Variants in PDE4D observed in about 807,000 individuals in gnomAD.
PDE4D encodes 3',5'-cyclic-AMP phosphodiesterase 4D.
Under a neutral mutation model 87.4 loss-of-function variants are expected in PDE4D, and 24 were observed. That is an observed-to-expected ratio of 0.27 (90% CI 0.20 to 0.39). PDE4D has a LOEUF of 0.39. Ranked by LOEUF, PDE4D falls within the 10% of genes least tolerant of loss-of-function variation. The pLI is 1.00. For missense variants in PDE4D, 714 were observed against 1,041.0 expected, an observed-to-expected ratio of 0.69 and a Z score of 4.32; for synonymous variants, 384 against 383.2, an observed-to-expected ratio of 1.00 and a Z score of -0.02.
intron 3 of PDE4D, among the ~76,000 whole-genome samples, chr5:59,957,587 A>T (rs1758981260): frequency 6.6e-6 from 1 of 152,054 alleles, no homozygotes; most frequent in South Asian, 2.1e-4. Context: ...TAACATGTAT[A>T]TTTTTACACA....
chr5:59,288,829 G>A (rs1448131674), intron 1 of PDE4D, among the ~76,000 whole-genome samples: 1 of 152,062 alleles, frequency 6.6e-6, no homozygotes, highest in Non-Finnish European at 1.5e-5. Context: ...TTTATCTCAG[G>A]CTAGTATATC....
intron 1 of PDE4D, among the ~76,000 whole-genome samples, chr5:59,316,048 T>A (rs1773654477): frequency 6.6e-6 from 1 of 152,252 alleles, no homozygotes; most frequent in African/African-American, 2.4e-5. Context: ...GAAATCTACA[T>A]CTGTCTCTCA....
intron 1 of PDE4D, among the ~76,000 whole-genome samples, chr5:59,655,577 G>A (rs767456091): frequency 2.0e-5 from 3 of 152,028 alleles, no homozygotes; most frequent in African/African-American, 4.8e-5. Flanking sequence ...TTTCCAACCT[G>A]CTTTATTTTG....
At position 59,893,411 on chromosome 5, in the gene PDE4D, C is replaced by T; in HGVS notation, c.212G>A (p.Cys71Tyr). The T allele has an allele frequency of 4.9e-6, 7 of 1,432,906 alleles. No homozygotes were observed. Among genetic ancestry groups the T allele is most frequent in the Non-Finnish European group, 6.5e-6 (7 of 1,085,258 alleles). 88.8% of individuals were successfully genotyped at this position (1,432,906 alleles called of 1,614,324 possible). A position where few individuals can be genotyped will look rare whatever the true frequency, so the allele number is the denominator to read the frequency against. The change falls in exon 1 of 15, where the codon TGT (cysteine) becomes TAT (tyrosine). Residue 71 changes from cysteine (C) to tyrosine (Y), a missense_variant. Cys to Tyr is a radical substitution (Grantham distance 194, BLOSUM62 -2). Coordinates refer to ENST00000340635, the MANE Select transcript of PDE4D (RefSeq NM_001104631.2). ...GGGCGGCGGCGGCGGCTGTAGCGGACACTGGGGCTGGGGCTGGGGCGAGGG... is the reference window on the plus strand; with the variant it reads ...GGGCGGCGGCGGCGGCTGTAGCGGATACTGGGGCTGGGGCTGGGGCGAGGG... ...PPPSPQPQPQCPLQPPPPPPL... is the reference protein window; with the variant it reads ...PPPSPQPQPQYPLQPPPPPPL...
chr5:59,577,581 C>A (rs891417207), intron 1 of PDE4D, among the ~76,000 whole-genome samples: 2 of 152,096 alleles, frequency 1.3e-5, no homozygotes, highest in African/African-American at 4.8e-5. Flanking sequence ...TATGGAGACT[C>A]AAGGGAGAGG....
chr5:59,205,312 T>C (rs1442386376), intron 2 of PDE4D, among the ~76,000 whole-genome samples: 2 of 152,122 alleles, frequency 1.3e-5, no homozygotes, highest in Admixed American at 1.3e-4. Context: ...TTAACATATA[T>C]ATTGATGGGT....
At chr5:59,702,395 G>A (rs984044201) in intron 1 of PDE4D, among the ~76,000 whole-genome samples, 4 of 152,078 alleles carry the variant, frequency 2.6e-5, no homozygotes, top group Middle Eastern at 3.4e-3. Flanking sequence ...CAAAGTGCTG[G>A]GATTACAGGT....
At chr5:59,065,827 G>T (rs1319168259) in intron 5 of PDE4D, among the ~76,000 whole-genome samples, 1 of 152,102 alleles carries the variant, frequency 6.6e-6, no homozygotes, top group African/African-American at 2.4e-5. Context: ...TATGATCTAT[G>T]ATTTGGGACT....
At chr5:59,036,628 A>G (rs533419477) in intron 6 of PDE4D, among the ~76,000 whole-genome samples, 1 of 152,330 alleles carries the variant, frequency 6.6e-6, no homozygotes, top group South Asian at 2.1e-4. Context: ...ACCTTTAGCA[A>G]GAGCTTTTTT....
At chr5:59,098,494 T>C (rs542958127) in intron 5 of PDE4D, among the ~76,000 whole-genome samples, 23 of 151,850 alleles carry the variant, frequency 1.5e-4, no homozygotes, top group Non-Finnish European at 2.8e-4. Flanking sequence ...GTACATGAGT[T>C]TGAGACCAGC....
intron 5 of PDE4D, among the ~76,000 whole-genome samples, chr5:59,084,979 C>T (rs1328741180): frequency 1.3e-5 from 2 of 152,056 alleles, no homozygotes; most frequent in African/African-American, 4.8e-5. Context: ...TATAAACTTT[C>T]TGCAGGGCAA....
At chr5:59,565,291 G>A (rs936780729) in intron 1 of PDE4D, among the ~76,000 whole-genome samples, 1 of 152,122 alleles carries the variant, frequency 6.6e-6, no homozygotes, top group Non-Finnish European at 1.5e-5. Context: ...GGCTGAACCA[G>A]GAGGATCGCT....
Position 59,893,318 on chromosome 5 carries a change from C to T in PDE4D, c.305G>A (p.Gly102Asp), listed in dbSNP as rs773877840. 1.3e-6 allele frequency: 2 copies of T among 1,521,164 alleles called. No individual in the cohort carries two copies. The highest frequency in any genetic ancestry group is 2.8e-5 in the African/African-American group (2 of 71,270). 94.2% of individuals were successfully genotyped at this position (1,521,164 alleles called of 1,614,324 possible). A position where few individuals can be genotyped will look rare whatever the true frequency, so the allele number is the denominator to read the frequency against. The part of the protein sequence containing the change: ...RGRYASSGAT[G>D]RVRHRGYSDT... ...CGAGTAGCCGCGATGCCGGACGCGG[C>T]CGGTGGCCCCGCTCGAGGCGTAGCG... is the stretch of plus-strand genomic sequence containing the variant. Residue 102 changes from glycine to aspartate, a missense_variant, in exon 1 of 15, where the codon GGC becomes GAC. Gly to Asp is a moderately conservative substitution (Grantham distance 94). This residue lies in a region of PDE4D where 268 missense variants were observed against 272.9 expected (regional missense o/e 0.98). Transcript: ENST00000340635.
intron 1 of PDE4D, among the ~76,000 whole-genome samples, chr5:59,416,500 G>A (rs1326134076): frequency 6.6e-6 from 1 of 152,138 alleles, no homozygotes; most frequent in South Asian, 2.1e-4. Context: ...AGAGTCATAT[G>A]TGTAATAAAC....
At chr5:59,036,621 T>C (rs1389797160) in intron 6 of PDE4D, among the ~76,000 whole-genome samples, 1 of 152,220 alleles carries the variant, frequency 6.6e-6, no homozygotes, top group Non-Finnish European at 1.5e-5. Context: ...CTTTACAACC[T>C]TTAGCAAGAG....
chr5:59,356,828 G>T, intron 1 of PDE4D: 1 of 1,550,284 alleles, frequency 6.5e-7, no homozygotes, highest in East Asian at 2.3e-5. Flanking sequence ...GCTCCCAGAG[G>T]ATCCCAAACA....
chr5:59,752,751 A>T (rs1359843967), intron 1 of PDE4D, among the ~76,000 whole-genome samples: 1 of 152,156 alleles, frequency 6.6e-6, no homozygotes, highest in Non-Finnish European at 1.5e-5. Context: ...ATTCTGGCCC[A>T]GTCATCAGTT....
intron 3 of PDE4D, among the ~76,000 whole-genome samples, chr5:59,931,981 C>A (rs372151514): frequency 1.4e-4 from 21 of 152,208 alleles, no homozygotes; most frequent in Non-Finnish European, 2.2e-4. Context: ...GATTACAGGC[C>A]TGAGCCACTG....
intron 1 of PDE4D, among the ~76,000 whole-genome samples, chr5:59,739,912 TA>T (rs1301232883): frequency 1.3e-5 from 2 of 152,198 alleles, no homozygotes; most frequent in Non-Finnish European, 2.9e-5. Context: ...TGAAATAACA[TA>T]AATATAAATC....
Sources: allele counts gnomAD v4.1 joint callset (sites outside exome capture counted in the v4.1 genomes callset), GRCh38; gene constraint gnomAD v4.1.1; regional missense constraint gnomAD v4.1.1; transcripts MANE v1.5; gene names NCBI Gene and HGNC (gene_info 2026-07-23, HGNC 2026-07-21).